The following TCF4 variants were observed in gnomAD, a reference collection of about 807,000 sequenced individuals.
The protein encoded by TCF4 is SL3-3 enhancer factor 2.
A neutral mutation model predicts 82.1 loss-of-function variants in TCF4; 3 were observed. The ratio of observed to expected loss-of-function variants is 0.04; its 90% CI spans 0.02 to 0.09. The LOEUF is 0.09. TCF4 is among the 10% of genes least tolerant of loss of function. The probability of loss-of-function intolerance (pLI) is 1.00; values close to 1 mark genes in which losing one functional copy is unlikely to be tolerated. For missense variants in TCF4, 518 were observed against 852.7 expected (o/e 0.61, Z 4.89); for synonymous variants, 276 against 309.6 (o/e 0.89, Z 1.14).
intron 3 of TCF4, among the ~76,000 whole-genome samples, chr18:55,483,784 G>A (rs530713944): frequency 2.7e-4 from 41 of 152,282 alleles, no homozygotes; most frequent in Admixed American, 1.0e-3. Flanking sequence ...TCACTTACTT[G>A]GATGGCAGTT....
Position 55,309,094 on chromosome 18 carries a change from TTTATTA to T in TCF4, c.550-29444_550-29439del, listed in dbSNP as rs550139145. On this transcript the variant is annotated intron_variant, in intron 8 of 19. Transcript: ENST00000354452. ...AATTCTCATTGACTGACATCATTTA[TTTATTA>T]TTATTATTATTATCATTATTTTTAA... is the stretch of plus-strand genomic sequence containing the variant. Among the ~76,000 whole-genome samples, 148 of 151,700 alleles carry T rather than the reference TTTATTA, an allele frequency of 9.8e-4. 1 individual carries two copies. The highest frequency in any genetic ancestry group is 3.2e-3 in the African/African-American group (133 of 41,278).
At chr18:55,543,040 C>T (rs1449478123) in intron 3 of TCF4, among the ~76,000 whole-genome samples, 3 of 152,046 alleles carry the variant, frequency 2.0e-5, no homozygotes, top group Non-Finnish European at 4.4e-5. Context: ...TGACTGTTCC[C>T]ATTTTACAGA....
intron 2 of TCF4, among the ~76,000 whole-genome samples, chr18:55,622,025 T>C (rs1333635026): frequency 6.7e-5 from 9 of 135,128 alleles, no homozygotes. Context: ...TTATATACAC[T>C]ATATATTATA....
chr18:55,323,139 A>G (rs951995905), intron 8 of TCF4, among the ~76,000 whole-genome samples: 2 of 152,186 alleles, frequency 1.3e-5, no homozygotes, highest in African/African-American at 4.8e-5. Context: ...GTACAAAAAA[A>G]GGAAAGAAAG....
chr18:55,416,717 G>A lies in TCF4; in HGVS notation c.305-13199C>T, dbSNP rs894420327. On this transcript the variant is annotated intron_variant, in intron 5 of 19. Coordinates refer to ENST00000354452, the MANE Select transcript of TCF4 (RefSeq NM_001083962.2). The stretch of plus-strand genomic sequence containing the variant: ...CCATTTTTGCCTAAGTTAAAATGAC[G>A]ATGTTTCATTATTCCTAAGCTCTCA... 2.6e-5 allele frequency among the ~76,000 whole-genome samples: 4 copies of A among 152,160 alleles called. 1 individual carries two copies. Among genetic ancestry groups the A allele is most frequent in the Non-Finnish European group, 2.9e-5 (2 of 68,030 alleles).
intron 5 of TCF4, among the ~76,000 whole-genome samples, chr18:55,424,369 C>T (rs963297907): frequency 2.0e-5 from 3 of 152,276 alleles, no homozygotes; most frequent in Admixed American, 2.0e-4. Flanking sequence ...CCAGGAATCA[C>T]TGAACCCAAA....
At chr18:55,593,434 G>A (rs2097687755), upstream of TCF4, among the ~76,000 whole-genome samples, 2 of 152,188 alleles carry the variant, frequency 1.3e-5, no homozygotes, top group Admixed American at 1.3e-4. Context: ...CAGTAGTATG[G>A]AAGGAGTGGC....
intron 5 of TCF4, among the ~76,000 whole-genome samples, chr18:55,415,893 G>C (rs2094509014): frequency 6.6e-6 from 1 of 152,154 alleles, no homozygotes; most frequent in South Asian, 2.1e-4. Flanking sequence ...GTCTCTTTTA[G>C]TGTATGTATA....
Position 55,527,632 on chromosome 18 carries a change from T to A in TCF4, c.145+57648A>T, listed in dbSNP as rs190794097. ...TCAAGGTACCAGCAATTAAAAAGCA[T>A]AACACCACGTGCATGATAAGCTCTC... On this transcript the variant is annotated intron_variant, in intron 3 of 19. Transcript: ENST00000354452. Among the ~76,000 whole-genome samples the A allele has an allele frequency of 1.2e-3, 176 of 152,244 alleles. 2 individuals are homozygous for A. The East Asian group carries it at 0.03, about 26-fold the overall frequency.
At chr18:55,421,705 C>A (rs1391493719) in intron 5 of TCF4, among the ~76,000 whole-genome samples, 1 of 152,166 alleles carries the variant, frequency 6.6e-6, no homozygotes, top group Non-Finnish European at 1.5e-5. Flanking sequence ...TAATAATCAT[C>A]ATTTTTTAAC....
At chr18:55,445,567 C>T (rs2095511582) in intron 5 of TCF4, among the ~76,000 whole-genome samples, 2 of 152,086 alleles carry the variant, frequency 1.3e-5, no homozygotes. Context: ...ACCCACCCCC[C>T]ATGATTCAAT....
At chr18:55,418,301 A>G (rs1420644861) in intron 5 of TCF4, among the ~76,000 whole-genome samples, 1 of 152,158 alleles carries the variant, frequency 6.6e-6, no homozygotes. Context: ...TATACTTTAT[A>G]AGAATGAGTC....
rs1019556559 is a variant in TCF4, at chr18:55,450,253, T to G, written c.304+10766A>C. 3.9e-5 allele frequency among the ~76,000 whole-genome samples: 6 copies of G among 152,310 alleles called. No homozygotes were observed. In the East Asian group the frequency reaches 1.2e-3, roughly 29 times the overall value. ...CAACCTACGTGAAAGCTTTAAATGT[T>G]TTATCTTAAACATAAACAATATAAC... On this transcript the variant is annotated intron_variant, in intron 5 of 19. Coordinates refer to ENST00000354452, the MANE Select transcript of TCF4 (RefSeq NM_001083962.2).
At chr18:55,625,380 A>G (rs901497254) in intron 2 of TCF4, among the ~76,000 whole-genome samples, 10 of 152,090 alleles carry the variant, frequency 6.6e-5, no homozygotes, top group Admixed American at 2.6e-4. Flanking sequence ...CTGGGACTAC[A>G]GGCGCACACC....
At chr18:55,313,437 A>G (rs2073162600) in intron 8 of TCF4, among the ~76,000 whole-genome samples, 1 of 152,126 alleles carries the variant, frequency 6.6e-6, no homozygotes, top group Non-Finnish European at 1.5e-5. Flanking sequence ...ATTTCTTTGC[A>G]AACTCAAACT....
At chr18:55,285,149 CAAGGAGAAGA>C (rs988820301) in intron 8 of TCF4, among the ~76,000 whole-genome samples, 1 of 152,128 alleles carries the variant, frequency 6.6e-6, no homozygotes, top group Non-Finnish European at 1.5e-5. Flanking sequence ...ATCCATAAAG[CAAGGAGAAGA>C]TGTACTCAGA....
intron 6 of TCF4, among the ~76,000 whole-genome samples, chr18:55,397,795 A>G (rs2093588135): frequency 6.6e-6 from 1 of 152,172 alleles, no homozygotes; most frequent in Non-Finnish European, 1.5e-5. Flanking sequence ...TGAAAAATCT[A>G]TGGGTGCATT....
intron 5 of TCF4, among the ~76,000 whole-genome samples, chr18:55,405,001 C>T (rs1006737295): frequency 6.6e-6 from 1 of 152,234 alleles, no homozygotes; most frequent in Non-Finnish European, 1.5e-5. Context: ...TTCAGTGAAA[C>T]AAGACACCAT....
At position 55,484,572 on chromosome 18, in the gene TCF4, A is replaced by G. The variant is rs138492380; in HGVS notation, c.146-20435T>C. ...TTGCTAAAATCTCGTCTTTTTCTTA[A>G]TTGTGCATGGCAGTGGGGCCCATAA... On this transcript the variant is annotated intron_variant, in intron 3 of 19. Coordinates refer to ENST00000354452, the MANE Select transcript of TCF4 (RefSeq NM_001083962.2). Among the ~76,000 whole-genome samples the G allele has an allele frequency of 0.012, 1,828 of 152,312 alleles. 58 individuals carry two copies. In the South Asian group the frequency reaches 0.14, roughly 11 times the overall value.
Sources: allele counts gnomAD v4.1 joint callset (sites outside exome capture counted in the v4.1 genomes callset), GRCh38; gene constraint gnomAD v4.1.1; transcripts MANE v1.5; gene names NCBI Gene and HGNC (gene_info 2026-07-23, HGNC 2026-07-21).